Variants in SGMS1 observed in about 807,000 individuals in gnomAD.
The protein encoded by SGMS1 is sphingomyelin synthase 1, also known as phosphatidylcholine:ceramide cholinephosphotransferase 1.
A neutral mutation model predicts 46.2 loss-of-function variants in SGMS1; 13 were observed. The observed-to-expected ratio is 0.28, with a 90% confidence interval of 0.18 to 0.45. The LOEUF (loss-of-function observed/expected upper bound fraction) is 0.45. Ranked by LOEUF, SGMS1 falls within the 20% of genes least tolerant of loss-of-function variation. The pLI is 1.00. For missense variants in SGMS1, 324 were observed against 519.9 expected (o/e 0.62, Z 3.66); for synonymous variants, 203 against 187.8 (o/e 1.08, Z -0.66).
intron 3 of SGMS1, among the ~76,000 whole-genome samples, chr10:50,476,685 G>T (rs949603493): frequency 6.6e-6 from 1 of 152,272 alleles, no homozygotes; most frequent in African/African-American, 2.4e-5. Context: ...ACACCACTGC[G>T]CTGGGCAGCA....
chr10:50,340,503 C>CA (rs1564880469), intron 7 of SGMS1: 1 of 151,874 alleles, frequency 6.6e-6, no homozygotes, highest in Non-Finnish European at 1.5e-5. Flanking sequence ...TTGTAAAAAC[C>CA]AAAAAAGTTC....
chr10:50,542,479 G>A (rs560668487), intron 2 of SGMS1, among the ~76,000 whole-genome samples: 2 of 151,852 alleles, frequency 1.3e-5, no homozygotes, highest in African/African-American at 2.4e-5. Context: ...ACCAACCTGG[G>A]CTTAGAGCAG....
At chr10:50,508,670 A>G (rs1259447705) in intron 3 of SGMS1, among the ~76,000 whole-genome samples, 2 of 152,144 alleles carry the variant, frequency 1.3e-5, no homozygotes, top group Non-Finnish European at 2.9e-5. Context: ...TTTGGGGCAG[A>G]CTTGTGGGTA....
chr10:50,601,421 AT>A (rs1838648955), intron 1 of SGMS1, among the ~76,000 whole-genome samples: 1 of 152,230 alleles, frequency 6.6e-6, no homozygotes, highest in African/African-American at 2.4e-5. Flanking sequence ...TTTTCTCATC[AT>A]TTAGCTGCCT....
chr10:50,410,950 G>A (rs571109070), intron 6 of SGMS1, among the ~76,000 whole-genome samples: 1 of 152,268 alleles, frequency 6.6e-6, no homozygotes, highest in East Asian at 1.9e-4. Flanking sequence ...CCAAGTTATG[G>A]TCTCTTGTTG....
upstream of SGMS1, chr10:50,624,623 C>G: frequency 1.3e-5 from 13 of 985,332 alleles, no homozygotes; most frequent in Non-Finnish European, 1.6e-5. Flanking sequence ...GCCGCCCCTC[C>G]GAGCTGCGGC....
At chr10:50,612,377 C>T (rs1054217489) in intron 1 of SGMS1, among the ~76,000 whole-genome samples, 1 of 152,174 alleles carries the variant, frequency 6.6e-6, no homozygotes, top group South Asian at 2.1e-4. Context: ...CAGCTTATTG[C>T]TATTTCTATA....
intron 1 of SGMS1, among the ~76,000 whole-genome samples, chr10:50,597,358 T>C (rs1838603936): frequency 6.6e-6 from 1 of 152,228 alleles, no homozygotes; most frequent in Non-Finnish European, 1.5e-5. Context: ...CAACTAGGAC[T>C]TTCATATTCT....
At chr10:50,479,686 G>C (rs976034912) in intron 3 of SGMS1, among the ~76,000 whole-genome samples, 2 of 151,902 alleles carry the variant, frequency 1.3e-5, no homozygotes, top group African/African-American at 4.8e-5. Context: ...ATTTGCCCTT[G>C]GTCAAAAGCA....
At position 50,307,342 on chromosome 10, in the gene SGMS1, A is replaced by G. The variant is rs1400337780; in HGVS notation, c.1063-21T>C. ...AGCACCTAGGATAACAAAGAAACATAAACACATTTCTTACAATCTTTCACT... is the reference window on the plus strand; with the variant it reads ...AGCACCTAGGATAACAAAGAAACATGAACACATTTCTTACAATCTTTCACT... On this transcript the variant is annotated intron_variant, in intron 10 of 10. Transcript: ENST00000361781. The surrounding 1 kb of genome is among the most constrained non-coding windows in gnomAD (Gnocchi z 4.2). 3.1e-6 allele frequency: 5 copies of G among 1,601,734 alleles called. No homozygotes were observed. The highest frequency in any genetic ancestry group is 2.2e-5 in the East Asian group (1 of 44,736).
intron 2 of SGMS1, among the ~76,000 whole-genome samples, chr10:50,523,431 G>T (rs1001604609): frequency 3.9e-5 from 6 of 152,022 alleles, no homozygotes; most frequent in South Asian, 2.1e-4. Context: ...CTATTAGTGG[G>T]GCAATTGCAA....
chr10:50,501,977 G>GT (rs749109788), intron 3 of SGMS1, among the ~76,000 whole-genome samples: 4 of 151,948 alleles, frequency 2.6e-5, no homozygotes, highest in East Asian at 1.9e-4. Context: ...GAGGAGTTGG[G>GT]TTTTTTTTCA....
chr10:50,539,897 A>G (rs572046419), intron 2 of SGMS1, among the ~76,000 whole-genome samples: 3 of 152,342 alleles, frequency 2.0e-5, no homozygotes, highest in East Asian at 3.9e-4. Flanking sequence ...TGATAAGCCT[A>G]TGCAACTGAA....
At chr10:50,315,555 G>A (rs928587738) in intron 8 of SGMS1, among the ~76,000 whole-genome samples, 8 of 152,174 alleles carry the variant, frequency 5.3e-5, no homozygotes, top group African/African-American at 9.7e-5. Context: ...TCCTCCATCT[G>A]CCCACTATCA....
intron 6 of SGMS1, among the ~76,000 whole-genome samples, chr10:50,376,757 T>A (rs757472890): frequency 8.5e-5 from 13 of 152,330 alleles, no homozygotes; most frequent in Non-Finnish European, 1.3e-4. Context: ...ACAAAGGACA[T>A]GAACTCATCT....
intron 3 of SGMS1, among the ~76,000 whole-genome samples, chr10:50,475,887 T>C (rs992249939): frequency 4.6e-5 from 7 of 151,948 alleles, no homozygotes; most frequent in Non-Finnish European, 1.0e-4. Flanking sequence ...TTTGAGCCAA[T>C]TGAACCTCAT....
chr10:50,311,732 A>C (rs191974059), intron 8 of SGMS1, among the ~76,000 whole-genome samples: 157 of 152,368 alleles, frequency 1.0e-3, no homozygotes, highest in African/African-American at 3.7e-3. Context: ...GACTGACTGA[A>C]TAATTGCTTT....
At position 50,358,128 on chromosome 10, in the gene SGMS1, G is replaced by A. The variant is rs77339042; in HGVS notation, c.-231-13783C>T. On this transcript the variant is annotated intron_variant, in intron 6 of 10. Coordinates refer to ENST00000361781, the MANE Select transcript of SGMS1 (RefSeq NM_147156.4). ...GACAACATCTCTATTTTTTTTAAAT[G>A]TAACAAAAAATAAATACATTTAATA... Among the ~76,000 whole-genome samples the A allele has an allele frequency of 4.8e-3, 730 of 152,032 alleles. 9 individuals carry two copies. The highest frequency in any genetic ancestry group is 0.016 in the African/African-American group (682 of 41,482).
intron 6 of SGMS1, among the ~76,000 whole-genome samples, chr10:50,358,321 G>T (rs954180819): frequency 6.6e-6 from 1 of 152,084 alleles, no homozygotes; most frequent in Non-Finnish European, 1.5e-5. Flanking sequence ...TACAAATCAA[G>T]AATTGATATT....
Sources: gnomAD v4.1 joint callset for allele counts (sites outside exome capture counted in the v4.1 genomes callset) on GRCh38, gnomAD v4.1.1 for gene constraint, Gnocchi (gnomAD v3.1) non-coding constraint, MANE v1.5 for transcripts, NCBI Gene and HGNC (gene_info 2026-07-23, HGNC 2026-07-21) for gene names.